The following CHN2 variants were observed in gnomAD, a reference collection of about 807,000 sequenced individuals.
CHN2 encodes beta-chimaerin.
CHN2 carries 35 observed loss-of-function variants against 56.3 expected under a neutral mutation model. The observed-to-expected ratio is 0.62, with a 90% CI of 0.47 to 0.82. The LOEUF (loss-of-function observed/expected upper bound fraction) is 0.82. Ranked by LOEUF, CHN2 falls within the 40% of genes least tolerant of loss-of-function variation. CHN2 has a pLI of 0.00. For missense variants in CHN2, 491 were observed against 580.5 expected (o/e 0.85, Z 1.58); for synonymous variants, 210 against 212.8 (o/e 0.99, Z 0.12).
rs750803749 is a variant in CHN2, at chr7:29,499,954, G to A, written c.827G>A (p.Cys276Tyr). The change falls in exon 9 of 13, where the codon TGT (cysteine) becomes TAT (tyrosine). Residue 276 changes from cysteine (C) to tyrosine (Y), a missense_variant. By Grantham distance (194) the Cys-to-Tyr change is radical. Transcript: ENST00000222792. ...PDLKRIKKVYCCDLTTLVKAH... is the reference protein window; with the variant it reads ...PDLKRIKKVYYCDLTTLVKAH... ...CTCAAGAGGATCAAGAAAGTGTACTGTTGTGACCTCACAACACTTGTGAAG... is the reference window on the plus strand; with the variant it reads ...CTCAAGAGGATCAAGAAAGTGTACTATTGTGACCTCACAACACTTGTGAAG... 2 of 1,612,532 alleles carry A rather than the reference G, an allele frequency of 1.2e-6. No homozygotes were observed. The highest frequency in any genetic ancestry group is 2.2e-5 in the South Asian group (2 of 90,724).
chr7:29,243,590 T>C (rs1308615404), intron 1 of CHN2, among the ~76,000 whole-genome samples: 2 of 152,242 alleles, frequency 1.3e-5, no homozygotes, highest in Non-Finnish European at 2.9e-5. Flanking sequence ...TTTTACTTTG[T>C]GTATGTTGTA....
intron 1 of CHN2, among the ~76,000 whole-genome samples, chr7:29,241,243 T>G (rs1259566026): frequency 6.6e-6 from 1 of 152,052 alleles, no homozygotes; most frequent in East Asian, 1.9e-4. Context: ...CCATGAAAAT[T>G]CAGGCTCGCA....
At chr7:29,320,761 G>A (rs1185343390) in intron 1 of CHN2, among the ~76,000 whole-genome samples, 2 of 151,930 alleles carry the variant, frequency 1.3e-5, no homozygotes, top group Admixed American at 6.6e-5. Context: ...CTCCTTCCAG[G>A]ATGAGGGAAC....
chr7:29,496,028 G>T lies in CHN2; in HGVS notation c.731G>T (p.Arg244Leu). Residue 244 changes from arginine (R) to leucine (L), a missense_variant, in exon 8 of 13, where the codon CGG becomes CTG. Coordinates refer to ENST00000222792, the MANE Select transcript of CHN2 (RefSeq NM_004067.4). ...TGGGGGCTCATCGCCCAAGGGGTCC[G>T]GTGCTCAGGTAGACACAGAACTTTC... Reference protein sequence around the residue: ...FMWGLIAQGVRCSDCGLNVHK... With the variant: ...FMWGLIAQGVLCSDCGLNVHK... 1 of 1,611,426 alleles carries T rather than the reference G, an allele frequency of 6.2e-7. No homozygotes were observed. Among genetic ancestry groups the T allele is most frequent in the Non-Finnish European group, 8.5e-7 (1 of 1,179,016 alleles).
At chr7:29,462,741 A>G (rs965592743) in intron 6 of CHN2, among the ~76,000 whole-genome samples, 16 of 152,144 alleles carry the variant, frequency 1.1e-4, no homozygotes, top group African/African-American at 3.1e-4. Flanking sequence ...CAGGCATCAC[A>G]TAGCATTTCC....
At chr7:29,417,172 G>A (rs1442068214) in intron 6 of CHN2, among the ~76,000 whole-genome samples, 2 of 152,108 alleles carry the variant, frequency 1.3e-5, no homozygotes, top group South Asian at 2.1e-4. Flanking sequence ...CTGTGACCCC[G>A]CAGGACTTGC....
intron 2 of CHN2, among the ~76,000 whole-genome samples, chr7:29,356,198 C>A (rs183716159): frequency 2.0e-5 from 3 of 152,218 alleles, no homozygotes; most frequent in Non-Finnish European, 4.4e-5. Context: ...GTGGAACCCA[C>A]AGCCTGCACG....
intron 7 of CHN2, among the ~76,000 whole-genome samples, chr7:29,481,535 C>CCTA (rs1414305659): frequency 6.6e-6 from 1 of 152,100 alleles, no homozygotes. Flanking sequence ...ATTATACAGC[C>CCTA]CTACATACTT....
In CHN2 at chr7:29,509,844, CA is replaced by C. The variant is rs34925686; in HGVS notation, c.1235+454del. ...TGGGCAACAGAGCGAGACTCCATCT[CA>C]AAAAAAAAAAAAAAAGAAAAAGAAA... On this transcript the variant is annotated intron_variant, in intron 12 of 12. Transcript: ENST00000222792. 4.9e-3 allele frequency among the ~76,000 whole-genome samples: 655 copies of C among 134,092 alleles called. 2 individuals carry two copies. Among genetic ancestry groups the C allele is most frequent in the African/African-American group, 9.2e-3 (328 of 35,844 alleles). The allele number at this position is 134,092 out of a possible 152,430, so 88.0% of individuals were successfully genotyped here.
At chr7:29,297,998 C>A (rs1047270255) in intron 1 of CHN2, among the ~76,000 whole-genome samples, 5 of 152,054 alleles carry the variant, frequency 3.3e-5, no homozygotes, top group Admixed American at 2.6e-4. Flanking sequence ...ACCTGGGGTT[C>A]GTGAGGGAGA....
chr7:29,157,155 C>T (rs1401302211), intron 2 of CHN2, among the ~76,000 whole-genome samples: 3 of 152,174 alleles, frequency 2.0e-5, no homozygotes, highest in Non-Finnish European at 2.9e-5. Context: ...GAAGAGCTGT[C>T]TTTTCTCCCA....
intron 1 of CHN2, among the ~76,000 whole-genome samples, chr7:29,304,589 G>A (rs530887962): frequency 6.6e-6 from 1 of 152,114 alleles, no homozygotes; most frequent in Admixed American, 6.5e-5. Flanking sequence ...TTTTGCCTGG[G>A]TACCCAATAC....
chr7:29,257,378 A>T (rs1239842335), intron 1 of CHN2, among the ~76,000 whole-genome samples: 1 of 152,182 alleles, frequency 6.6e-6, no homozygotes, highest in Non-Finnish European at 1.5e-5. Context: ...AGTATCTCAC[A>T]GCAGTTTGGT....
At chr7:29,457,342 G>A (rs1019007682) in intron 6 of CHN2, among the ~76,000 whole-genome samples, 4 of 152,104 alleles carry the variant, frequency 2.6e-5, no homozygotes, top group African/African-American at 4.8e-5. Flanking sequence ...TAATAGGGTC[G>A]TGACCTCCTT....
At chr7:29,400,369 A>C in intron 5 of CHN2, 174 bp from the exon 6 acceptor site, 1 of 646,574 alleles carries the variant, frequency 1.5e-6, no homozygotes, top group Non-Finnish European at 2.7e-6. Context: ...AGGCATAACC[A>C]TTATACCGTC....
intron 1 of CHN2, among the ~76,000 whole-genome samples, chr7:29,266,492 C>T (rs914364345): frequency 2.0e-5 from 3 of 152,114 alleles, no homozygotes; most frequent in African/African-American, 4.8e-5. Flanking sequence ...TCTAATGTGT[C>T]GCAAGATGGT....
At chr7:29,479,934 C>T (rs2128541072) in intron 6 of CHN2, 1 of 1,440,790 alleles carries the variant, frequency 6.9e-7, no homozygotes, top group South Asian at 1.5e-5. Context: ...ATTCAGAAGC[C>T]GGGCCCCCTC....
At chr7:29,480,203 C>T (rs750560376) in intron 6 of CHN2, 76 bp from the exon 7 acceptor site, 34 of 1,613,220 alleles carry the variant, frequency 2.1e-5, no homozygotes, top group South Asian at 1.2e-4. Flanking sequence ...AACTGCTGGC[C>T]GTAGCCTTCG....
chr7:29,223,917 CCCATGCA>C (rs1464070584), intron 1 of CHN2, among the ~76,000 whole-genome samples: 2 of 152,170 alleles, frequency 1.3e-5, no homozygotes, highest in African/African-American at 4.8e-5. Context: ...TGACACCATA[CCCATGCA>C]CCATTTCTTA....
Sources: gnomAD v4.1 joint callset for allele counts (sites outside exome capture counted in the v4.1 genomes callset) on GRCh38, gnomAD v4.1.1 for gene constraint, MANE v1.5 for transcripts, NCBI Gene and HGNC (gene_info 2026-07-23, HGNC 2026-07-21) for gene names.